The following CLIP2 variants were observed in gnomAD, a reference collection of about 807,000 sequenced individuals.
The protein encoded by CLIP2 is CAP-Gly domain-containing linker protein 2.
Under a neutral mutation model 111.7 loss-of-function variants are expected in CLIP2, and 41 were observed. The observed-to-expected ratio is 0.37, with a 90% CI of 0.29 to 0.48. CLIP2 has a LOEUF of 0.48. CLIP2 is among the 20% of genes least tolerant of loss of function. The pLI is 0.99. For synonymous variants in CLIP2, 660 were observed against 644.2 expected (o/e 1.02, Z -0.37); for missense variants, 1,160 against 1,422.1 (o/e 0.82, Z 2.96).
intron 1 of CLIP2, among the ~76,000 whole-genome samples, chr7:74,294,438 T>C (rs1788114979): frequency 6.6e-6 from 1 of 152,226 alleles, no homozygotes; most frequent in African/African-American, 2.4e-5. Flanking sequence ...GCTTCTGTCT[T>C]GATGGAGCGT....
intron 2 of CLIP2, among the ~76,000 whole-genome samples, chr7:74,318,102 A>G (rs1281115781): frequency 2.0e-5 from 3 of 151,836 alleles, no homozygotes; most frequent in Non-Finnish European, 4.4e-5. Context: ...AGAGGCTGAG[A>G]GAGGAGAATC....
intron 3 of CLIP2, among the ~76,000 whole-genome samples, chr7:74,340,344 C>T (rs1004482579): frequency 4.6e-5 from 7 of 151,952 alleles, no homozygotes; most frequent in Admixed American, 6.6e-5. Flanking sequence ...TTCAGTGAGC[C>T]GAGATCATGC....
chr7:74,400,399 G>A lies in CLIP2; in HGVS notation c.2910G>A (p.Arg970=), dbSNP rs1554317358. 3.1e-6 allele frequency: 5 copies of A among 1,612,876 alleles called. No individual in the cohort carries two copies. In the African/African-American group the frequency reaches 5.3e-5, roughly 17 times the overall value. Residue 970 remains arginine, a synonymous_variant, in exon 15 of 17, where the codon AGG becomes AGA. Coordinates refer to ENST00000223398, the MANE Select transcript of CLIP2 (RefSeq NM_003388.5). ...LDKEKSLSDQ[R]RYSLIDRSSA... is the part of the protein sequence containing the mutation. ...AAGAGAAATCCCTGTCGGATCAGAG[G>A]CGCTACTCCCTCATCGACCGGTCCT...
intron 1 of CLIP2, among the ~76,000 whole-genome samples, chr7:74,293,282 G>C (rs1788078587): frequency 6.6e-6 from 1 of 152,184 alleles, no homozygotes; most frequent in Non-Finnish European, 1.5e-5. Flanking sequence ...CGGGACCCCG[G>C]AAGCTGGCAG....
rs782451481 is a variant in CLIP2, at chr7:74,403,830, T to A, written c.3130-7T>A. 1 of 1,612,970 alleles carries A rather than the reference T, an allele frequency of 6.2e-7. No individual in the cohort carries two copies. Among genetic ancestry groups the A allele is most frequent in the Non-Finnish European group, 8.5e-7 (1 of 1,179,754 alleles). On this transcript the variant is annotated splice_region_variant and splice_polypyrimidine_tract_variant and intron_variant, in intron 16 of 16. Transcript: ENST00000223398. Reference sequence around the variant, plus strand: ...CCCTTGCTGATGATGCCCTTTACTCTCTCTAGGACAAGCACTGATCCTGAG... The same window carrying A: ...CCCTTGCTGATGATGCCCTTTACTCACTCTAGGACAAGCACTGATCCTGAG...
intron 10 of CLIP2, among the ~76,000 whole-genome samples, chr7:74,379,723 G>A (rs545184308): frequency 3.3e-5 from 5 of 152,044 alleles, no homozygotes; most frequent in East Asian, 1.9e-4. Context: ...CCGAGATCAC[G>A]CCACTGCACT....
chr7:74,342,442 G>A (rs1789682968), intron 3 of CLIP2, among the ~76,000 whole-genome samples: 1 of 152,126 alleles, frequency 6.6e-6, no homozygotes, highest in African/African-American at 2.4e-5. Context: ...GGGGAAGCCA[G>A]GGAAAGATCA....
At chr7:74,371,110 G>A (rs1296978940) in intron 8 of CLIP2, among the ~76,000 whole-genome samples, 1 of 152,090 alleles carries the variant, frequency 6.6e-6, no homozygotes, top group Non-Finnish European at 1.5e-5. Flanking sequence ...TGGGCATGAT[G>A]GTAGGCACCT....
chr7:74,309,977 A>G (rs1290786470), intron 1 of CLIP2, among the ~76,000 whole-genome samples: 2 of 128,652 alleles, frequency 1.6e-5, no homozygotes, highest in African/African-American at 5.9e-5. Context: ...GGTGGGGGGA[A>G]TTGCTTGAGT....
At chr7:74,293,971 C>T (rs1480939063) in intron 1 of CLIP2, among the ~76,000 whole-genome samples, 2 of 151,458 alleles carry the variant, frequency 1.3e-5, no homozygotes, top group African/African-American at 4.9e-5. Context: ...GGCTGGAGTG[C>T]AGTGGCATGA....
intron 2 of CLIP2, among the ~76,000 whole-genome samples, chr7:74,336,628 G>T (rs782600300): frequency 6.6e-6 from 1 of 152,034 alleles, no homozygotes; most frequent in Non-Finnish European, 1.5e-5. Context: ...CCAAAACGTG[G>T]AAATTATGGG....
At chr7:74,356,661 C>T (rs782408802) in intron 5 of CLIP2, 38 bp downstream of exon 5, 37 of 1,563,646 alleles carry the variant, frequency 2.4e-5, no homozygotes, top group African/African-American at 4.1e-5. Context: ...CTCTGGTGTG[C>T]GTTTGGGAGG....
chr7:74,316,560 CT>C (rs547451254), intron 1 of CLIP2, among the ~76,000 whole-genome samples: 210 of 138,126 alleles, frequency 1.5e-3, no homozygotes, highest in East Asian at 1.3e-3. Flanking sequence ...CCTTTTAGGG[CT>C]TTTTTTTTTT....
At chr7:74,312,238 C>CAAAT (rs71519327) in intron 1 of CLIP2, among the ~76,000 whole-genome samples, 8 of 151,432 alleles carry the variant, frequency 5.3e-5, no homozygotes, top group Admixed American at 3.3e-4. Context: ...ACTCCGTCTC[C>CAAAT]AAATAAATAA....
chr7:74,364,744 T>A, intron 8 of CLIP2: 1 of 381,068 alleles, frequency 2.6e-6, no homozygotes, highest in Non-Finnish European at 5.3e-6. Flanking sequence ...CCAAGGGAGC[T>A]GGGTATGGTG....
intron 3 of CLIP2, among the ~76,000 whole-genome samples, chr7:74,349,445 AAAGT>A (rs1562702710): frequency 3.8e-5 from 3 of 79,640 alleles, no homozygotes; most frequent in Admixed American, 1.6e-4. Context: ...AAAAAAAAAA[AAAGT>A]ATGTATGTGT....
At chr7:74,294,982 ACAGG>A (rs1788129497) in intron 1 of CLIP2, among the ~76,000 whole-genome samples, 1 of 151,910 alleles carries the variant, frequency 6.6e-6, no homozygotes, top group Non-Finnish European at 1.5e-5. Flanking sequence ...TTGTTTTGAG[ACAGG>A]GCCTGGCTCT....
At chr7:74,342,190 A>G (rs1294773850) in intron 3 of CLIP2, among the ~76,000 whole-genome samples, 1 of 151,910 alleles carries the variant, frequency 6.6e-6, no homozygotes, top group African/African-American at 2.4e-5. Flanking sequence ...AGCCTCACCA[A>G]TATGTTGAAA....
chr7:74,297,604 G>A (rs1788208682), intron 1 of CLIP2, among the ~76,000 whole-genome samples: 1 of 152,074 alleles, frequency 6.6e-6, no homozygotes, highest in Non-Finnish European at 1.5e-5. Flanking sequence ...TTTGTTTGTG[G>A]GACCTACCCC....
Sources: gnomAD v4.1 joint callset for allele counts (sites outside exome capture counted in the v4.1 genomes callset) on GRCh38, gnomAD v4.1.1 for gene constraint, MANE v1.5 for transcripts, NCBI Gene and HGNC (gene_info 2026-07-23, HGNC 2026-07-21) for gene names.